KDM4A: variants seen among roughly 807,000 people sequenced by gnomAD.
KDM4A encodes lysine demethylase 4A.
A neutral mutation model predicts 127.1 loss-of-function variants in KDM4A; 23 were observed. The ratio of observed to expected loss-of-function variants is 0.18; its 90% CI spans 0.13 to 0.26. The LOEUF (loss-of-function observed/expected upper bound fraction) is 0.26. KDM4A is among the 10% of genes least tolerant of loss of function. The probability of loss-of-function intolerance (pLI) is 1.00; values close to 1 mark genes in which losing one functional copy is unlikely to be tolerated. For synonymous variants in KDM4A, 443 were observed against 466.5 expected (o/e 0.95, Z 0.65); for missense variants, 890 against 1,329.1 (o/e 0.67, Z 5.14).
chr1:43,667,243 C>T (rs1660519119), intron 8 of KDM4A, 152 bp downstream of exon 8: 1 of 872,950 alleles, frequency 1.1e-6, no homozygotes, highest in Middle Eastern at 2.3e-4. Flanking sequence ...ATTTTGTGTT[C>T]ATAAGGAATT....
intron 5 of KDM4A, 53 bp downstream of exon 5, chr1:43,663,140 T>C (rs1238046068): frequency 1.4e-5 from 21 of 1,501,586 alleles, no homozygotes; most frequent in South Asian, 4.9e-5. Flanking sequence ...CACGGGCTCA[T>C]GTTCATTGTG....
chr1:43,684,293 A>C (rs1174088519), intron 12 of KDM4A, among the ~76,000 whole-genome samples: 2 of 152,204 alleles, frequency 1.3e-5, no homozygotes. Context: ...TCATGAGGTC[A>C]GGAGATCGAG....
intron 1 of KDM4A, among the ~76,000 whole-genome samples, chr1:43,652,050 G>A (rs115064132): frequency 0.012 from 1,779 of 152,300 alleles, 26 homozygotes; most frequent in Middle Eastern, 0.065. Flanking sequence ...TAATATCAAA[G>A]TACTTTTGAA....
intron 18 of KDM4A, among the ~76,000 whole-genome samples, chr1:43,696,116 G>A (rs759658363): frequency 7.2e-5 from 11 of 152,306 alleles, no homozygotes; most frequent in Non-Finnish European, 5.9e-5. Flanking sequence ...GGGCTCTGGA[G>A]ATTCCCAGTG....
At chr1:43,687,215 G>A (rs976446961) in intron 12 of KDM4A, among the ~76,000 whole-genome samples, 7 of 152,286 alleles carry the variant, frequency 4.6e-5, no homozygotes, top group East Asian at 1.9e-4. Context: ...ACACTGAGGC[G>A]GCGCACAATG....
chr1:43,692,601 C>T (rs777331822), intron 16 of KDM4A, among the ~76,000 whole-genome samples: 4 of 152,122 alleles, frequency 2.6e-5, no homozygotes, highest in Non-Finnish European at 4.4e-5. Context: ...GAAGATGATG[C>T]GCAGGGACTG....
Position 43,693,956 on chromosome 1 carries a change from G to A in KDM4A, c.2376-38G>A. The A allele has an allele frequency of 6.4e-7, 1 of 1,569,646 alleles. No individual in the cohort carries two copies. On this transcript the variant is annotated intron_variant, in intron 16 of 21. Transcript: ENST00000372396. This position sits in a 1 kb window ranked among gnomAD's most constrained non-coding sequence, Gnocchi z 4.2. ...AAAAGAGAAGGCCACAGAGCCTTGG[G>A]CCCAGAGGTGACTGAGGGAGCCTTT...
In KDM4A at chr1:43,704,057, G is replaced by C; in HGVS notation, c.2999G>C (p.Arg1000Thr). ...FEDGSQLVVK[R>T]DDVYTLDEEL... ...GATGGCTCACAACTTGTGGTTAAGA[G>C]AGATGATGTATACACACTGGATGAA... The change falls in exon 21 of 22, where the codon AGA becomes ACA. Residue 1000 changes from arginine to threonine, a missense_variant. Coordinates refer to ENST00000372396, the MANE Select transcript of KDM4A (RefSeq NM_014663.3). 2 of 1,614,190 alleles carry C rather than the reference G, an allele frequency of 1.2e-6. No homozygotes were observed. Among genetic ancestry groups the C allele is most frequent in the Non-Finnish European group, 1.7e-6 (2 of 1,180,024 alleles).
At chr1:43,680,243 G>A (rs200090002) in intron 11 of KDM4A, among the ~76,000 whole-genome samples, 2 of 152,288 alleles carry the variant, frequency 1.3e-5, no homozygotes, top group East Asian at 3.9e-4. Flanking sequence ...TTCGGACTTG[G>A]ACACCAGGTC....
chr1:43,692,204 A>AT, intron 15 of KDM4A, 52 bp from the exon 16 acceptor site: 1 of 1,501,400 alleles, frequency 6.7e-7, no homozygotes, highest in Non-Finnish European at 9.3e-7. Context: ...AGCAGATTGA[A>AT]TGTTAATGAC....
intron 9 of KDM4A, among the ~76,000 whole-genome samples, chr1:43,668,671 G>A (rs546452025): frequency 2.1e-4 from 32 of 152,282 alleles, no homozygotes; most frequent in African/African-American, 4.8e-4. Flanking sequence ...AAAAAGAAGT[G>A]TAGTGAGGAT....
At chr1:43,652,820 T>C (rs1037342183) in intron 1 of KDM4A, among the ~76,000 whole-genome samples, 3 of 151,752 alleles carry the variant, frequency 2.0e-5, no homozygotes, top group Admixed American at 6.6e-5. Context: ...GTAGCTAGGA[T>C]TGCAGGTGCC....
rs146378206 is a variant in KDM4A, at chr1:43,660,215, A to G, written c.315-83A>G. On this transcript the variant is annotated intron_variant, in intron 3 of 21. Coordinates refer to ENST00000372396, the MANE Select transcript of KDM4A (RefSeq NM_014663.3). ...ATTTGAAATTCTTGCTGTCACTGGA[A>G]TAGGGGATTATGTCTTGTAATGTTC... 1.3e-3 allele frequency: 1,855 copies of G among 1,427,228 alleles called. 33 individuals are homozygous for G. In the African/African-American group the frequency reaches 0.024, roughly 19 times the overall value. 88.4% of individuals were successfully genotyped at this position (1,427,228 alleles called of 1,614,324 possible).
At chr1:43,677,628 T>C (rs367726690) in intron 11 of KDM4A, among the ~76,000 whole-genome samples, 14 of 152,264 alleles carry the variant, frequency 9.2e-5, no homozygotes, top group Admixed American at 3.9e-4. Context: ...GAAGCTGTCA[T>C]TGATTGTCCA....
intron 12 of KDM4A, among the ~76,000 whole-genome samples, chr1:43,685,088 C>T (rs1018240925): frequency 6.6e-6 from 1 of 151,888 alleles, no homozygotes. Context: ...AATAATGAGG[C>T]CGATCTTGGG....
In KDM4A at chr1:43,704,084, A is replaced by G; in HGVS notation, c.3026A>G (p.Glu1009Gly). 6.2e-7 allele frequency: 1 copy of G among 1,614,052 alleles called. No individual in the cohort carries two copies. ...GATGATGTATACACACTGGATGAAG[A>G]GCTTCCCAAGAGAGTCAAATCTAGA... ...KRDDVYTLDEELPKRVKSRLS... is the reference protein window; with the variant it reads ...KRDDVYTLDEGLPKRVKSRLS... Residue 1009 changes from glutamate to glycine, a missense_variant, in exon 21 of 22, where the codon GAG becomes GGG. Glu to Gly is a moderately conservative substitution (Grantham distance 98). Transcript: ENST00000372396.
chr1:43,701,689 T>G (rs1445653298), intron 19 of KDM4A, among the ~76,000 whole-genome samples: 1 of 152,154 alleles, frequency 6.6e-6, no homozygotes, highest in Non-Finnish European at 1.5e-5. Context: ...GTCTCCCCTG[T>G]GTTGCCCAGG....
At chr1:43,703,957 G>A in intron 20 of KDM4A, 63 bp from the exon 21 acceptor site, 2 of 1,446,830 alleles carry the variant, frequency 1.4e-6, no homozygotes, top group Admixed American at 1.7e-5. Flanking sequence ...CTGCCACTGT[G>A]CATGGTGGAC....
At chr1:43,684,373 C>T (rs893727709) in intron 12 of KDM4A, among the ~76,000 whole-genome samples, 1 of 152,112 alleles carries the variant, frequency 6.6e-6, no homozygotes, top group Non-Finnish European at 1.5e-5. Context: ...TGTCATGGCA[C>T]GCGCCTGTAG....
Sources: allele counts gnomAD v4.1 joint callset (sites outside exome capture counted in the v4.1 genomes callset), GRCh38; gene constraint gnomAD v4.1.1; non-coding constraint Gnocchi (gnomAD v3.1); transcripts MANE v1.5; gene names NCBI Gene and HGNC (gene_info 2026-07-23, HGNC 2026-07-21).